The following SULF2 variants were observed in gnomAD, a reference collection of about 807,000 sequenced individuals.
The protein encoded by SULF2 is sulfatase 2.
Under a neutral mutation model 107.7 loss-of-function variants are expected in SULF2, and 52 were observed. That is an observed-to-expected ratio of 0.48 (90% CI 0.39 to 0.61). SULF2 has a LOEUF of 0.61. SULF2 is among the 20% of genes least tolerant of loss of function. The pLI is 0.00. For synonymous variants in SULF2, 460 were observed against 464.3 expected (o/e 0.99, Z 0.12); for missense variants, 993 against 1,177.3 (o/e 0.84, Z 2.29).
chr20:47,764,392 C>T (rs999158961), intron 1 of SULF2, among the ~76,000 whole-genome samples: 1 of 150,172 alleles, frequency 6.7e-6, no homozygotes, highest in Non-Finnish European at 1.5e-5. Context: ...TATCTCCTGT[C>T]TCCTGGTAAC....
At chr20:47,682,002 T>C (rs2087838588) in intron 7 of SULF2, among the ~76,000 whole-genome samples, 1 of 152,016 alleles carries the variant, frequency 6.6e-6, no homozygotes, top group Non-Finnish European at 1.5e-5. Context: ...AATTATTATG[T>C]AGTTCTTAGA....
At chr20:47,750,065 T>G (rs557634806) in intron 2 of SULF2, among the ~76,000 whole-genome samples, 104 of 152,346 alleles carry the variant, frequency 6.8e-4, no homozygotes, top group African/African-American at 2.5e-3. Flanking sequence ...CACTGCAACC[T>G]CCGCCTCCTG....
chr20:47,770,350 C>G (rs758964057), intron 1 of SULF2, among the ~76,000 whole-genome samples: 1 of 152,082 alleles, frequency 6.6e-6, no homozygotes, highest in Non-Finnish European at 1.5e-5. Context: ...CATGAGCCAC[C>G]ATGCCCAGCC....
intron 4 of SULF2, among the ~76,000 whole-genome samples, chr20:47,695,112 C>T (rs1705546500): frequency 6.6e-6 from 1 of 152,222 alleles, no homozygotes; most frequent in South Asian, 2.1e-4. Context: ...ATTTTAGACT[C>T]TGCAGGCCCC....
chr20:47,757,296 G>A lies in SULF2; in HGVS notation c.68C>T (p.Ser23Leu), dbSNP rs138931945. ...ATVFSLLGGSSAFLSHHRLKG... is the reference protein window; with the variant it reads ...ATVFSLLGGSLAFLSHHRLKG... ...CAGGCGGTGGTGCGACAGGAAGGCC[G>A]AGCTTCCACCCAGCAGGGAGAACAC... The change falls in exon 2 of 21, where the codon TCG (serine) becomes TTG (leucine). Residue 23 changes from serine to leucine, a missense_variant. This residue lies in a region of SULF2 where 388 missense variants were observed against 449.2 expected (regional missense o/e 0.86). Transcript: ENST00000688720. 39 of 1,596,450 alleles carry A rather than the reference G, an allele frequency of 2.4e-5. No individual in the cohort carries two copies. The highest frequency in any genetic ancestry group is 1.5e-4 in the African/African-American group (11 of 74,618).
At chr20:47,742,076 G>A (rs141621366) in intron 2 of SULF2, among the ~76,000 whole-genome samples, 4 of 152,322 alleles carry the variant, frequency 2.6e-5, no homozygotes, top group East Asian at 1.9e-4. Context: ...ACAGTGCCCC[G>A]GAATGACAGC....
At chr20:47,740,672 C>T (rs536256316) in intron 2 of SULF2, among the ~76,000 whole-genome samples, 69 of 152,116 alleles carry the variant, frequency 4.5e-4, no homozygotes, top group East Asian at 1.5e-3. Context: ...CAATTGCAGC[C>T]GATTTTTAAA....
intron 2 of SULF2, among the ~76,000 whole-genome samples, chr20:47,754,983 G>A (rs2090247150): frequency 6.6e-6 from 1 of 151,612 alleles, no homozygotes; most frequent in East Asian, 1.9e-4. Context: ...ACAGGTGTGT[G>A]CCACCATCCT....
At chr20:47,720,619 G>A (rs1353803074) in intron 3 of SULF2, among the ~76,000 whole-genome samples, 4 of 150,682 alleles carry the variant, frequency 2.7e-5, no homozygotes, top group Non-Finnish European at 5.9e-5. Context: ...ATTTTAAAAA[G>A]CATCTTGTAA....
rs527988641 is a variant in SULF2 at position 47,769,521 on chromosome 20, C to T, written c.-100-12058G>A. Among the ~76,000 whole-genome samples the T allele has an allele frequency of 2.6e-5, 4 of 152,070 alleles. No homozygotes were observed. In the South Asian group the frequency reaches 6.2e-4, roughly 24 times the overall value. On this transcript the variant is annotated intron_variant, in intron 1 of 20. Transcript: ENST00000688720. The stretch of plus-strand genomic sequence containing the variant: ...CCTGGGTTTTTATTTTGTAGAGGGG[C>T]ATCCCTCCACCAGAAGCTCGCATGG...
At chr20:47,760,581 C>A (rs747391521) in intron 1 of SULF2, among the ~76,000 whole-genome samples, 2 of 152,166 alleles carry the variant, frequency 1.3e-5, no homozygotes, top group Non-Finnish European at 2.9e-5. Flanking sequence ...TGCTTTCAAT[C>A]AACTCTCCCA....
Position 47,680,022 on chromosome 20 carries a change from C to T in SULF2, c.1065-1218G>A, listed in dbSNP as rs1042144310. Among the ~76,000 whole-genome samples, 5 of 152,192 alleles carry T rather than the reference C, an allele frequency of 3.3e-5. No homozygotes were observed. The highest frequency in any genetic ancestry group is 1.2e-4 in the African/African-American group (5 of 41,448). The stretch of plus-strand genomic sequence containing the variant: ...GGCTCAGGTGGTCACTTCTGTATCT[C>T]CAGGACTTATACCCTTAGAACACAG... On this transcript the variant is annotated intron_variant, in intron 7 of 20. Coordinates refer to ENST00000688720, the MANE Select transcript of SULF2 (RefSeq NM_001387048.1). This position sits in a 1 kb window ranked among gnomAD's most constrained non-coding sequence, Gnocchi z 4.2.
At chr20:47,728,654 TTA>T (rs2089513744) in intron 3 of SULF2, among the ~76,000 whole-genome samples, 1 of 152,114 alleles carries the variant, frequency 6.6e-6, no homozygotes, top group African/African-American at 2.4e-5. Context: ...TTTTATTTAT[TTA>T]TTTTTGAGAT....
intron 1 of SULF2, among the ~76,000 whole-genome samples, chr20:47,772,118 G>T (rs1414421152): frequency 6.6e-6 from 1 of 152,214 alleles, no homozygotes; most frequent in Non-Finnish European, 1.5e-5. Flanking sequence ...CCAAATCTGG[G>T]CCTAAATTCA....
At chr20:47,771,358 C>T (rs2090626953) in intron 1 of SULF2, among the ~76,000 whole-genome samples, 1 of 152,034 alleles carries the variant, frequency 6.6e-6, no homozygotes, top group African/African-American at 2.4e-5. Context: ...AACAACCTCT[C>T]CTCCTTATTC....
At chr20:47,712,950 G>A (rs915992919) in intron 3 of SULF2, among the ~76,000 whole-genome samples, 1 of 152,040 alleles carries the variant, frequency 6.6e-6, no homozygotes, top group East Asian at 1.9e-4. Flanking sequence ...TGGGAGAATC[G>A]CTTGAGCCCA....
At chr20:47,665,752 C>T (rs2146408032) in intron 13 of SULF2, 105 bp downstream of exon 13, 2 of 924,938 alleles carry the variant, frequency 2.2e-6, no homozygotes, top group Admixed American at 1.9e-5. Flanking sequence ...TTCACCTCTC[C>T]AGCCTCTTCC....
chr20:47,659,538 C>T, intron 19 of SULF2, 86 bp from the exon 20 acceptor site: 1 of 1,465,712 alleles, frequency 6.8e-7, no homozygotes, highest in Non-Finnish European at 9.6e-7. Flanking sequence ...AAGAAGGTCT[C>T]CTAGGTGACA....
chr20:47,784,988 C>T (rs1385678906), intron 1 of SULF2, among the ~76,000 whole-genome samples: 1 of 152,162 alleles, frequency 6.6e-6, no homozygotes, highest in Non-Finnish European at 1.5e-5. Context: ...GTCAACAAGG[C>T]CATGCCCCTG....
Sources: gnomAD v4.1 joint callset for allele counts (sites outside exome capture counted in the v4.1 genomes callset) on GRCh38, gnomAD v4.1.1 for gene constraint, gnomAD v4.1.1 regional missense constraint, Gnocchi (gnomAD v3.1) non-coding constraint, MANE v1.5 for transcripts, NCBI Gene and HGNC (gene_info 2026-07-23, HGNC 2026-07-21) for gene names.